The following SLC44A5 variants were observed in gnomAD, a reference collection of about 807,000 sequenced individuals.
SLC44A5 encodes the protein solute carrier family 44 member 5.
Under a neutral mutation model 101.8 loss-of-function variants are expected in SLC44A5, and 57 were observed. That is an observed-to-expected ratio of 0.56 (90% CI 0.45 to 0.70). SLC44A5 has a LOEUF of 0.70. Ranked by LOEUF, SLC44A5 falls within the 30% of genes least tolerant of loss-of-function variation. SLC44A5 has a pLI of 0.00. For synonymous variants in SLC44A5, 281 were observed against 290.9 expected, an observed-to-expected ratio of 0.97 and a Z score of 0.35; for missense variants, 737 against 853.1, an observed-to-expected ratio of 0.86 and a Z score of 1.70.
chr1:75,470,290 A>C (rs1019156819), intron 2 of SLC44A5, among the ~76,000 whole-genome samples: 2 of 152,220 alleles, frequency 1.3e-5, no homozygotes, highest in Non-Finnish European at 2.9e-5. Context: ...ACATACTCAA[A>C]GATGGAAGAG....
chr1:75,522,774 T>G (rs901019666), intron 2 of SLC44A5, among the ~76,000 whole-genome samples: 32 of 152,224 alleles, frequency 2.1e-4, no homozygotes, highest in African/African-American at 5.5e-4. Context: ...GACCAACATT[T>G]CTTTCTGTGA....
chr1:75,576,470 C>T (rs211756), intron 1 of SLC44A5, among the ~76,000 whole-genome samples: 145,628 of 152,040 alleles, frequency 0.96, 69,782 homozygotes, highest in East Asian at 0.97. Context: ...CCCGCCACCA[C>T]GCCCGGCTAA....
chr1:75,605,600 C>T (rs1366642427), intron 1 of SLC44A5, among the ~76,000 whole-genome samples: 1 of 151,970 alleles, frequency 6.6e-6, no homozygotes, highest in Non-Finnish European at 1.5e-5. Context: ...GGTTTCTCAA[C>T]TGAATGAGGA....
chr1:75,518,530 C>T (rs74326682), intron 2 of SLC44A5, among the ~76,000 whole-genome samples: 6,508 of 151,958 alleles, frequency 0.043, 176 homozygotes, highest in East Asian at 0.1. Flanking sequence ...ATACTGAGTA[C>T]TCAATAGATG....
chr1:75,259,261 C>A (rs1279347215), intron 6 of SLC44A5, among the ~76,000 whole-genome samples: 2 of 152,076 alleles, frequency 1.3e-5, no homozygotes, highest in Non-Finnish European at 2.9e-5. Flanking sequence ...TAACCCAATG[C>A]AAGGAAGCTA....
At chr1:75,614,180 A>G (rs1377002175), upstream of SLC44A5, among the ~76,000 whole-genome samples, 3 of 152,206 alleles carry the variant, frequency 2.0e-5, no homozygotes, top group East Asian at 1.9e-4. Context: ...CGCCTTGTCA[A>G]TCTGGGCTTA....
chr1:75,219,847 A>G lies in SLC44A5; in HGVS notation c.1131T>C (p.Thr377=), dbSNP rs191867085. The change falls in exon 15 of 24, where the codon ACT becomes ACC. Residue 377 remains threonine, a synonymous_variant. Coordinates refer to ENST00000370859, the MANE Select transcript of SLC44A5 (RefSeq NM_001130058.2). ...VPSTLVYPAL[T]FILLSICICY... ...AAATGCAGATTGAGAGCAAAATGAA[A>G]GTTAAAGCTGGATAGACTAATGTAC... 8.7e-6 allele frequency: 14 copies of G among 1,613,030 alleles called. No homozygotes were observed. The African/African-American group carries it at 1.3e-4, about 15-fold the overall frequency.
the SLC44A5 span, among the ~76,000 whole-genome samples, chr1:75,718,499 A>G: frequency 6.6e-6 from 1 of 152,208 alleles, no homozygotes; most frequent in African/African-American, 2.4e-5. Flanking sequence ...AGGACATAAA[A>G]TGATCTTGAC....
intron 6 of SLC44A5, among the ~76,000 whole-genome samples, chr1:75,270,031 G>A (rs1254002202): frequency 6.6e-6 from 1 of 152,132 alleles, no homozygotes; most frequent in Non-Finnish European, 1.5e-5. Flanking sequence ...CTGCCACCGT[G>A]TAAGACGTGC....
intron 2 of SLC44A5, among the ~76,000 whole-genome samples, chr1:75,480,796 A>T (rs1667792948): frequency 6.6e-6 from 1 of 152,238 alleles, no homozygotes; most frequent in Non-Finnish European, 1.5e-5. Context: ...CATTGGTAGA[A>T]AGAATCAACA....
chr1:75,666,235 G>A, the SLC44A5 span, among the ~76,000 whole-genome samples: 1 of 152,050 alleles, frequency 6.6e-6, no homozygotes, highest in Admixed American at 6.6e-5. Flanking sequence ...CCCATCCATG[G>A]TGGATTGCAT....
chr1:75,702,846 A>G, the SLC44A5 span, among the ~76,000 whole-genome samples: 20 of 152,198 alleles, frequency 1.3e-4, no homozygotes, highest in Non-Finnish European at 2.5e-4. Flanking sequence ...AAAAGTGGGC[A>G]AAGGATATGA....
intron 3 of SLC44A5, among the ~76,000 whole-genome samples, chr1:75,375,463 T>C (rs1455412041): frequency 1.3e-5 from 2 of 152,208 alleles, no homozygotes; most frequent in Non-Finnish European, 2.9e-5. Flanking sequence ...GAAGTTGACA[T>C]GTAAGTTCAA....
At chr1:75,622,731 G>C in the SLC44A5 span, among the ~76,000 whole-genome samples, 1 of 151,936 alleles carries the variant, frequency 6.6e-6, no homozygotes, top group African/African-American at 2.4e-5. Flanking sequence ...AACTAGAATT[G>C]GTTTCTTTAA....
chr1:75,583,187 C>G (rs988983234), intron 1 of SLC44A5, among the ~76,000 whole-genome samples: 1 of 152,146 alleles, frequency 6.6e-6, no homozygotes, highest in African/African-American at 2.4e-5. Flanking sequence ...ATACTCCTTT[C>G]TTCTCTCCCT....
At chr1:75,338,231 C>A (rs1034158192) in intron 4 of SLC44A5, among the ~76,000 whole-genome samples, 1 of 152,152 alleles carries the variant, frequency 6.6e-6, no homozygotes, top group African/African-American at 2.4e-5. Context: ...AAATTACTTT[C>A]CTCACAGTGA....
At chr1:75,535,231 G>T (rs1402237241) in intron 2 of SLC44A5, among the ~76,000 whole-genome samples, 1 of 152,130 alleles carries the variant, frequency 6.6e-6, no homozygotes, top group Non-Finnish European at 1.5e-5. Flanking sequence ...GGTACCAGCA[G>T]TTGGTCCTAT....
At chr1:75,556,314 T>C (rs1418148185) in intron 1 of SLC44A5, among the ~76,000 whole-genome samples, 2 of 152,094 alleles carry the variant, frequency 1.3e-5, no homozygotes, top group Admixed American at 1.3e-4. Context: ...CAATTATACC[T>C]CAACAAAACT....
intron 18 of SLC44A5, among the ~76,000 whole-genome samples, chr1:75,217,191 A>T (rs539896734): frequency 3.9e-5 from 6 of 152,066 alleles, no homozygotes; most frequent in African/African-American, 1.4e-4. Context: ...TCCCAGCACC[A>T]TTAGTTGAAA....
Sources: allele counts gnomAD v4.1 joint callset (sites outside exome capture counted in the v4.1 genomes callset), GRCh38; gene constraint gnomAD v4.1.1; transcripts MANE v1.5; gene names NCBI Gene and HGNC (gene_info 2026-07-23, HGNC 2026-07-21).